Variants in DIP2C observed in about 807,000 individuals in gnomAD.
DIP2C encodes disco-interacting protein 2 homolog C.
A neutral mutation model predicts 192.4 loss-of-function variants in DIP2C; 33 were observed. The ratio of observed to expected loss-of-function variants is 0.17; its 90% confidence interval spans 0.13 to 0.23. The LOEUF (loss-of-function observed/expected upper bound fraction) is 0.23. DIP2C is among the 10% of genes least tolerant of loss of function. DIP2C has a pLI of 1.00. For missense variants in DIP2C, 1,537 were observed against 2,110.1 expected (o/e 0.73, Z 5.32); for synonymous variants, 979 against 864.1 (o/e 1.13, Z -2.33).
chr10:545,166 C>CTTTTTTTTTTTTTTTTTT (rs60185327), intron 1 of DIP2C, among the ~76,000 whole-genome samples: 2 of 86,336 alleles, frequency 2.3e-5, no homozygotes, highest in African/African-American at 1.1e-4. Context: ...GGTGTTTTCC[C>CTTTTTTTTTTTTTTTTTT]TTTTTTTTTT....
At chr10:532,165 G>A (rs1427261917) in intron 1 of DIP2C, among the ~76,000 whole-genome samples, 2 of 152,116 alleles carry the variant, frequency 1.3e-5, no homozygotes, top group Non-Finnish European at 2.9e-5. Context: ...TCTAGAGTAA[G>A]AGCCTGTGGA....
chr10:659,071 A>T (rs1200052407), intron 1 of DIP2C, among the ~76,000 whole-genome samples: 3 of 152,240 alleles, frequency 2.0e-5, no homozygotes, highest in Non-Finnish European at 4.4e-5. Flanking sequence ...ATACATGCAC[A>T]TACAACACTC....
chr10:600,345 G>A (rs1022095420), intron 1 of DIP2C, among the ~76,000 whole-genome samples: 3 of 152,016 alleles, frequency 2.0e-5, no homozygotes, highest in Non-Finnish European at 2.9e-5. Context: ...GCCAGCCCAG[G>A]GGATGAGCTG....
chr10:414,723 G>GTA (rs1435727103), intron 7 of DIP2C, among the ~76,000 whole-genome samples: 1 of 69,456 alleles, frequency 1.4e-5, no homozygotes, highest in African/African-American at 5.7e-5. Flanking sequence ...GTGTGTGTGT[G>GTA]TGTGTGTGTG....
rs189621978 is a variant in DIP2C, at chr10:445,386, G to A, written c.269-4390C>T. Among the ~76,000 whole-genome samples, 390 of 151,918 alleles carry A rather than the reference G, an allele frequency of 2.6e-3. 5 individuals carry two copies. Among genetic ancestry groups the A allele is most frequent in the South Asian group, 0.024 (115 of 4,790 alleles). ...TTGTGAAGAGTCTCACAGGCCCACT[G>A]GGCATCTGTATATATTGGTTGCAAA... is the stretch of plus-strand genomic sequence containing the variant. On this transcript the variant is annotated intron_variant, in intron 3 of 36. Transcript: ENST00000280886.
At chr10:531,028 G>T (rs994151527) in intron 1 of DIP2C, among the ~76,000 whole-genome samples, 2 of 151,772 alleles carry the variant, frequency 1.3e-5, no homozygotes, top group Non-Finnish European at 2.9e-5. Flanking sequence ...ATCCTTTCCC[G>T]CCAAAAGCTG....
Position 348,679 on chromosome 10 carries a change from T to C in DIP2C, c.3193A>G (p.Ile1065Val). 2 of 1,613,874 alleles carry C rather than the reference T, an allele frequency of 1.2e-6. No homozygotes were observed. Among genetic ancestry groups the C allele is most frequent in the South Asian group, 2.2e-5 (2 of 91,022 alleles). The change falls in exon 26 of 37, where the codon ATC (isoleucine) becomes GTC (valine). Residue 1065 changes from isoleucine to valine, a missense_variant. This residue lies in a region of DIP2C where 677 missense variants were observed against 989.9 expected (regional missense o/e 0.68). Transcript: ENST00000280886. Reference protein sequence around the residue: ...ITVRPPHPQNIATTLPTVKMI... With the variant: ...ITVRPPHPQNVATTLPTVKMI... Reference sequence around the variant, plus strand: ...TTGACGGTAGGCAACGTCGTCGCGATGTTCTGTGGGTGCGGGGGACGGACG... The same window carrying C: ...TTGACGGTAGGCAACGTCGTCGCGACGTTCTGTGGGTGCGGGGGACGGACG...
At chr10:408,712 A>C (rs1964982067) in intron 9 of DIP2C, among the ~76,000 whole-genome samples, 1 of 152,242 alleles carries the variant, frequency 6.6e-6, no homozygotes, top group African/African-American at 2.4e-5. Context: ...TAAAGCATGG[A>C]CAAGACCATT....
intron 4 of DIP2C, chr10:430,580 G>A (rs1275781831): frequency 6.6e-6 from 1 of 152,178 alleles, no homozygotes; most frequent in Non-Finnish European, 1.5e-5. Context: ...TCAAATAAAA[G>A]TTATCATTTA....
rs561735529 is a variant in DIP2C, at chr10:651,749, G to A, written c.85+37745C>T. 3.4e-6 allele frequency: 1 copy of A among 291,018 alleles called. No individual in the cohort carries two copies. Among genetic ancestry groups the A allele is most frequent in the African/African-American group, 2.2e-5 (1 of 44,954 alleles). The allele number at this position is 291,018 out of a possible 1,614,324, so 18.0% of individuals were successfully genotyped here. On this transcript the variant is annotated intron_variant, in intron 1 of 36. Transcript: ENST00000280886. The surrounding 1 kb of genome is among the most constrained non-coding windows in gnomAD (Gnocchi z 4.1). ...GAGTCTCTCCAAGGAAGTGGCCTGA[G>A]CTGAGAGGGGGCCTGGCATCGCCCA...
At chr10:290,914 G>A (rs972319400) in intron 32 of DIP2C, among the ~76,000 whole-genome samples, 1 of 152,244 alleles carries the variant, frequency 6.6e-6, no homozygotes, top group East Asian at 1.9e-4. Flanking sequence ...GCAGCTCTGG[G>A]AGCTGTCGCT....
chr10:277,111 G>T lies in DIP2C; in HGVS notation c.*214C>A. The stretch of plus-strand genomic sequence containing the variant: ...AACAAACTGAAGGCAGTAATCCAAA[G>T]TCCTTCTGAGCGAAATTCAGTGGTA... On this transcript the variant is annotated 3_prime_UTR_variant, in exon 37 of 37. Transcript: ENST00000280886. 1 of 596,000 alleles carries T rather than the reference G, an allele frequency of 1.7e-6. No homozygotes were observed. Among genetic ancestry groups the T allele is most frequent in the Non-Finnish European group, 2.7e-6 (1 of 371,226 alleles). The allele number at this position is 596,000 out of a possible 1,614,324, so 36.9% of individuals were successfully genotyped here. A position where few individuals can be genotyped will look rare whatever the true frequency, so the allele number is the denominator to read the frequency against.
chr10:377,553 GAC>G (rs1961769386), intron 17 of DIP2C, among the ~76,000 whole-genome samples: 3 of 152,132 alleles, frequency 2.0e-5, no homozygotes, highest in Non-Finnish European at 2.9e-5. Context: ...TAGATAAAAT[GAC>G]ACAGTTTATC....
intron 17 of DIP2C, chr10:369,851 G>A (rs1397146854): frequency 1.5e-6 from 2 of 1,341,302 alleles, no homozygotes; most frequent in Non-Finnish European, 2.0e-6. Flanking sequence ...ACATTCCCAG[G>A]GAATCCCAAG....
intron 1 of DIP2C, among the ~76,000 whole-genome samples, chr10:564,374 GCA>G (rs1327815195): frequency 1.3e-5 from 2 of 152,050 alleles, no homozygotes; most frequent in Non-Finnish European, 2.9e-5. Context: ...TCACCTTGGG[GCA>G]GCCTCACTCA....
rs779217566 is a variant in DIP2C, at chr10:357,900, G to C, written c.2832C>G (p.Val944=). ...GPASVMVGNL[V]SGKRIAQASG... ...TGGCCTGGGCGATTCTCTTCCCAGA[G>C]ACCAGGTTCCCCACCATCACAGAGG... Residue 944 remains valine, a synonymous_variant, in exon 23 of 37, where the codon GTC becomes GTG. Transcript: ENST00000280886. 1 of 1,612,714 alleles carries C rather than the reference G, an allele frequency of 6.2e-7. No homozygotes were observed. The highest frequency in any genetic ancestry group is 8.5e-7 in the Non-Finnish European group (1 of 1,179,878).
intron 1 of DIP2C, among the ~76,000 whole-genome samples, chr10:603,532 C>T (rs1251658616): frequency 6.6e-6 from 1 of 152,036 alleles, no homozygotes; most frequent in Non-Finnish European, 1.5e-5. Flanking sequence ...GGAACAAGAC[C>T]ATACTGTGAT....
At chr10:580,153 T>C (rs1483383238) in intron 1 of DIP2C, among the ~76,000 whole-genome samples, 1 of 152,148 alleles carries the variant, frequency 6.6e-6, no homozygotes, top group East Asian at 1.9e-4. Context: ...ACATATCCGA[T>C]GTACAGTGCA....
Position 345,046 on chromosome 10 carries a change from G to A in DIP2C, c.3296C>T (p.Ala1099Val), listed in dbSNP as rs1356539941. ...LICKLLRSRE[A>V]AAAVDVRTWP... ...CGTCCTGACGTCCACAGCCGCCGCC[G>A]CCTCCCTGGACCGCAGCAACTTACA... The change falls in exon 27 of 37, where the codon GCG becomes GTG. Residue 1099 changes from alanine (A) to valine (V), a missense_variant. Ala to Val is a moderately conservative substitution (Grantham distance 64, BLOSUM62 0). Transcript: ENST00000280886. 9 of 1,613,390 alleles carry A rather than the reference G, an allele frequency of 5.6e-6. No individual in the cohort carries two copies. Among genetic ancestry groups the A allele is most frequent in the African/African-American group, 1.3e-5 (1 of 74,884 alleles).
Sources: allele counts gnomAD v4.1 joint callset (sites outside exome capture counted in the v4.1 genomes callset), GRCh38; gene constraint gnomAD v4.1.1; regional missense constraint gnomAD v4.1.1; non-coding constraint Gnocchi (gnomAD v3.1); transcripts MANE v1.5; gene names NCBI Gene and HGNC (gene_info 2026-07-23, HGNC 2026-07-21).